The following PCDH11X variants were observed in gnomAD, a reference collection of about 807,000 sequenced individuals.
PCDH11X encodes the protein protocadherin-11 X-linked.
In PCDH11X, 18 loss-of-function variants were observed where a neutral mutation model predicts 53.3. The observed-to-expected ratio is 0.34, with a 90% CI of 0.23 to 0.50. PCDH11X has a LOEUF of 0.50. PCDH11X is among the 20% of genes least tolerant of loss of function. The pLI, the probability that PCDH11X is intolerant of heterozygous loss-of-function variation, is 0.98. For synonymous variants in PCDH11X, 279 were observed against 393.3 expected, an observed-to-expected ratio of 0.71 and a Z score of 3.44; for missense variants, 570 against 1,032.4, an observed-to-expected ratio of 0.55 and a Z score of 6.14.
intron 6 of PCDH11X, among the ~76,000 whole-genome samples, chrX:91,921,990 C>A (rs1391740900): frequency 9.0e-6 from 1 of 110,672 alleles, no homozygotes; most frequent in Non-Finnish European, 1.9e-5. Context: ...TAGGAATGAC[C>A]TTTACTTTAG....
At chrX:92,444,573 T>C (rs1227686105) in intron 9 of PCDH11X, among the ~76,000 whole-genome samples, 1 of 109,637 alleles carries the variant, frequency 9.1e-6, no homozygotes, top group African/African-American at 3.3e-5. Flanking sequence ...TCTGATACTA[T>C]GTTGTATAAC....
intron 7 of PCDH11X, among the ~76,000 whole-genome samples, chrX:92,232,640 T>C (rs2067096790): frequency 8.9e-6 from 1 of 112,279 alleles, no homozygotes; most frequent in African/African-American, 3.2e-5. Context: ...ACAATAAATC[T>C]AAAGATAAAA....
intron 6 of PCDH11X, among the ~76,000 whole-genome samples, chrX:92,176,252 A>G (rs865857263): frequency 1.8e-5 from 2 of 111,922 alleles, no homozygotes; most frequent in African/African-American, 3.2e-5. Flanking sequence ...GTTGATTCTT[A>G]TATTCATTGT....
At chrX:92,453,797 C>T (rs1214098600) in intron 9 of PCDH11X, among the ~76,000 whole-genome samples, 1 of 110,761 alleles carries the variant, frequency 9.0e-6, no homozygotes, top group African/African-American at 3.3e-5. Flanking sequence ...CAGGTATTTG[C>T]GAATCAGGTG....
At chrX:92,329,224 A>G (rs2069405777) in intron 8 of PCDH11X, among the ~76,000 whole-genome samples, 1 of 111,715 alleles carries the variant, frequency 9.0e-6, no homozygotes, top group African/African-American at 3.2e-5. Flanking sequence ...ATAATATGAC[A>G]AAATCTAACA....
chrX:91,885,759 C>T (rs955067010), intron 6 of PCDH11X, among the ~76,000 whole-genome samples: 9 of 111,533 alleles, frequency 8.1e-5, no homozygotes, highest in African/African-American at 1.3e-4. Flanking sequence ...TAAAAGCATT[C>T]CTCAATGGTT....
intron 8 of PCDH11X, among the ~76,000 whole-genome samples, chrX:92,282,539 G>A (rs758923755): frequency 8.9e-6 from 1 of 111,829 alleles, no homozygotes; most frequent in East Asian, 2.8e-4. Context: ...AGAAAGCTAA[G>A]AACAGTATGC....
At chrX:92,120,155 C>CTTTTTTTTTTTT (rs764997941) in intron 6 of PCDH11X, among the ~76,000 whole-genome samples, 1 of 60,686 alleles carries the variant, frequency 1.6e-5, no homozygotes, top group Non-Finnish European at 3.3e-5. Context: ...ACTTTTCTTT[C>CTTTTTTTTTTTT]TTTTTTTTTT....
intron 8 of PCDH11X, among the ~76,000 whole-genome samples, chrX:92,282,716 C>A (rs1277249866): frequency 9.0e-6 from 1 of 111,575 alleles, no homozygotes; most frequent in East Asian, 2.8e-4. Context: ...TCACTACCAA[C>A]AAACAAACTT....
intron 6 of PCDH11X, among the ~76,000 whole-genome samples, chrX:91,917,182 G>T (rs1309831660): frequency 9.1e-6 from 1 of 109,724 alleles, no homozygotes; most frequent in African/African-American, 3.3e-5. Flanking sequence ...AAAGCTATCT[G>T]TGACAAACAC....
chrX:91,836,677 A>T (rs1461601522), intron 5 of PCDH11X, among the ~76,000 whole-genome samples: 1 of 111,551 alleles, frequency 9.0e-6, no homozygotes, highest in Non-Finnish European at 1.9e-5. Flanking sequence ...CAATTATTTG[A>T]AAACAGAGTG....
At chrX:92,085,067 A>G (rs1248766560) in intron 6 of PCDH11X, among the ~76,000 whole-genome samples, 1 of 110,597 alleles carries the variant, frequency 9.0e-6, no homozygotes, top group Non-Finnish European at 1.9e-5. Context: ...GGTTCAGAGA[A>G]CTCTGCATAG....
At chrX:91,795,926 GA>G (rs1170520431) in intron 1 of PCDH11X, among the ~76,000 whole-genome samples, 1 of 111,553 alleles carries the variant, frequency 9.0e-6, no homozygotes, top group Non-Finnish European at 1.9e-5. Flanking sequence ...CTTATTTACA[GA>G]AAAATAAATA....
At chrX:92,495,009 T>C (rs2073835838) in intron 10 of PCDH11X, among the ~76,000 whole-genome samples, 1 of 92,934 alleles carries the variant, frequency 1.1e-5, no homozygotes, top group Non-Finnish European at 2.1e-5. Context: ...CATACAGTTT[T>C]ACATGGAAGA....
chrX:92,487,304 T>C (rs2073664975), intron 10 of PCDH11X, among the ~76,000 whole-genome samples: 1 of 109,452 alleles, frequency 9.1e-6, no homozygotes, highest in African/African-American at 3.3e-5. Flanking sequence ...TTTTGTTTAA[T>C]TTGAACTTGA....
At chrX:92,569,511 C>T (rs1343589760) in intron 10 of PCDH11X, among the ~76,000 whole-genome samples, 3 of 109,816 alleles carry the variant, frequency 2.7e-5, no homozygotes, top group Non-Finnish European at 5.7e-5. Flanking sequence ...ATAAAAATCA[C>T]GCAGGTATAA....
chrX:92,210,008 G>A (rs186040781), intron 7 of PCDH11X, among the ~76,000 whole-genome samples: 120 of 110,902 alleles, frequency 1.1e-3, no homozygotes, highest in African/African-American at 3.9e-3. Context: ...TGGGACACAG[G>A]GTGCCATGTC....
intron 6 of PCDH11X, among the ~76,000 whole-genome samples, chrX:92,032,552 G>A (rs1569318498): frequency 9.0e-6 from 1 of 110,937 alleles, no homozygotes; most frequent in Non-Finnish European, 1.9e-5. Flanking sequence ...TATCCTTGTC[G>A]TGTTCCAGAT....
intron 8 of PCDH11X, among the ~76,000 whole-genome samples, chrX:92,318,037 G>T (rs1281805421): frequency 7.2e-5 from 8 of 110,676 alleles, no homozygotes; most frequent in African/African-American, 9.8e-5. Flanking sequence ...TATTTTTGTT[G>T]TTTCTTAGCT....
Sources: allele counts gnomAD v4.1 joint callset (sites outside exome capture counted in the v4.1 genomes callset), GRCh38; gene constraint gnomAD v4.1.1; transcripts MANE v1.5; gene names NCBI Gene and HGNC (gene_info 2026-07-23, HGNC 2026-07-21).